Variants in NID1 observed in about 807,000 individuals in gnomAD.
NID1 encodes nidogen 1, also known as nidogen-1.
In NID1, 76 loss-of-function variants were observed where a neutral mutation model predicts 130.6. The observed-to-expected ratio is 0.58, with a 90% confidence interval of 0.48 to 0.70. The LOEUF (loss-of-function observed/expected upper bound fraction) is 0.70, where lower values mean the gene tolerates loss of function less well. Ranked by LOEUF, NID1 falls within the 30% of genes least tolerant of loss-of-function variation. The pLI, the probability that NID1 is intolerant of heterozygous loss-of-function variation, is 0.00. For synonymous variants in NID1, 665 were observed against 675.1 expected (o/e 0.98, Z 0.23); for missense variants, 1,517 against 1,664.8 (o/e 0.91, Z 1.54).
chr1:236,039,542 C>T (rs1448876396), intron 4 of NID1, among the ~76,000 whole-genome samples: 2 of 152,124 alleles, frequency 1.3e-5, no homozygotes, highest in South Asian at 2.1e-4. Context: ...GAACATCTCC[C>T]TATTTTAAAT....
chr1:235,993,681 C>T lies in NID1; in HGVS notation c.2719G>A (p.Glu907Lys). ...WCVDRDGREV[E>K]GTRTRPGMTP... ...ATCCCGGGCCTGGTCCTGGTGCCCT[C>T]CACCTCGCGGCCGTCGCGATCCACG... The change falls in exon 13 of 20, where the codon GAG (glutamate) becomes AAG (lysine). Residue 907 changes from glutamate to lysine, a missense_variant. Around this residue, in one of 3 missense-constraint regions of NID1, gnomAD observed 1,329 missense variants for 1,429.2 expected, o/e 0.93. Transcript: ENST00000264187. 3 of 1,581,664 alleles carry T rather than the reference C, an allele frequency of 1.9e-6. No homozygotes were observed. Among genetic ancestry groups the T allele is most frequent in the Non-Finnish European group, 2.6e-6 (3 of 1,160,056 alleles).
At position 235,979,445 on chromosome 1, in the gene NID1, C is replaced by T. The variant is rs1657366075; in HGVS notation, c.3510-338G>A. Among the ~76,000 whole-genome samples the T allele has an allele frequency of 1.3e-5, 2 of 152,178 alleles. No homozygotes were observed. Among genetic ancestry groups the T allele is most frequent in the Admixed American group, 1.3e-4 (2 of 15,274 alleles). On this transcript the variant is annotated intron_variant, in intron 18 of 19. Transcript: ENST00000264187. The surrounding 1 kb of genome is among the most constrained non-coding windows in gnomAD (Gnocchi z 4.6). ...TCAGGAAGAGGCCGTGGGAATATTG[C>T]AGTTTAACAACTATAATGAAGCAGG...
In NID1 at chr1:235,979,679, A is replaced by G. The variant is rs1657373941; in HGVS notation, c.3509+143T>C. On this transcript the variant is annotated intron_variant, in intron 18 of 19. Coordinates refer to ENST00000264187, the MANE Select transcript of NID1 (RefSeq NM_002508.3). This position sits in a 1 kb window ranked among gnomAD's most constrained non-coding sequence, Gnocchi z 4.6. ...CTTGGCTCCTGACAACCAGAAGGATAAGGGAGAGGGGACATCTCTAGAGGG... is the reference window on the plus strand; with the variant it reads ...CTTGGCTCCTGACAACCAGAAGGATGAGGGAGAGGGGACATCTCTAGAGGG... 1.2e-6 allele frequency: 1 copy of G among 807,902 alleles called. No individual in the cohort carries two copies. Among genetic ancestry groups the G allele is most frequent in the Non-Finnish European group, 1.9e-6 (1 of 514,302 alleles). The allele number at this position is 807,902 out of a possible 1,614,324, so 50.0% of individuals were successfully genotyped here.
chr1:236,013,665 C>G, intron 10 of NID1, 105 bp from the exon 11 acceptor site: 1 of 1,310,592 alleles, frequency 7.6e-7, no homozygotes, highest in Non-Finnish European at 1.1e-6. Context: ...GACCCTAGAC[C>G]TCTAGGCATG....
chr1:236,050,042 A>G (rs1398448229), intron 1 of NID1, among the ~76,000 whole-genome samples: 4,532 of 134,268 alleles, frequency 0.034, 180 homozygotes, highest in African/African-American at 0.13. Context: ...TCTCAGGGGA[A>G]AAAAAAAAAA....
intron 4 of NID1, 25 bp from the exon 5 acceptor site, chr1:236,038,278 C>A: frequency 6.2e-7 from 1 of 1,600,374 alleles, no homozygotes; most frequent in Non-Finnish European, 8.6e-7. Context: ...CAATTGCACA[C>A]CTGTAAGCAT....
intron 5 of NID1, among the ~76,000 whole-genome samples, chr1:236,035,785 C>T (rs1400500253): frequency 6.6e-6 from 1 of 152,190 alleles, no homozygotes; most frequent in Admixed American, 6.5e-5. Flanking sequence ...CCAACAGAGT[C>T]ATTCTGCACA....
intron 14 of NID1, among the ~76,000 whole-genome samples, chr1:235,989,232 T>A (rs1281312699): frequency 1.3e-5 from 2 of 152,120 alleles, no homozygotes; most frequent in Non-Finnish European, 2.9e-5. Context: ...AATTTTTGTA[T>A]TTTTAGTAGA....
chr1:236,042,763 A>G (rs1659491275), intron 3 of NID1, among the ~76,000 whole-genome samples: 1 of 151,338 alleles, frequency 6.6e-6, no homozygotes, highest in Admixed American at 6.6e-5. Flanking sequence ...GAGCTCCTAC[A>G]GCCTTTGGAA....
At chr1:236,007,735 C>G (rs920537123) in intron 12 of NID1, among the ~76,000 whole-genome samples, 1 of 152,102 alleles carries the variant, frequency 6.6e-6, no homozygotes. Flanking sequence ...TCTTTGCCAT[C>G]ACAGAAGACC....
chr1:236,043,889 G>A (rs1452914075), intron 3 of NID1, among the ~76,000 whole-genome samples: 1 of 152,122 alleles, frequency 6.6e-6, no homozygotes, highest in Non-Finnish European at 1.5e-5. Flanking sequence ...GTGCTTAAAG[G>A]ATATGGTGAA....
At position 235,979,061 on chromosome 1, in the gene NID1, C is replaced by G; in HGVS notation, c.3556G>C (p.Ala1186Pro). ...LDLAISKETD[A>P]FQPHKQTRLY... ...CGGGTCTGCTTGTGGGGTTGGAAAG[C>G]ATCCGTCTCCTTGGAAATTGCAAGA... Residue 1186 changes from alanine (A) to proline (P), a missense_variant, in exon 19 of 20, where the codon GCT becomes CCT. By Grantham distance (27) the Ala-to-Pro change is conservative. Coordinates refer to ENST00000264187, the MANE Select transcript of NID1 (RefSeq NM_002508.3). This position sits in a 1 kb window ranked among gnomAD's most constrained non-coding sequence, Gnocchi z 4.6. 1.2e-6 allele frequency: 2 copies of G among 1,614,120 alleles called. No homozygotes were observed. The highest frequency in any genetic ancestry group is 1.7e-6 in the Non-Finnish European group (2 of 1,180,004).
At chr1:236,058,007 A>G (rs1343349179) in intron 1 of NID1, among the ~76,000 whole-genome samples, 1 of 152,188 alleles carries the variant, frequency 6.6e-6, no homozygotes, top group Non-Finnish European at 1.5e-5. Flanking sequence ...TATTGATCAT[A>G]TCGCAAAACC....
At position 236,026,119 on chromosome 1, in the gene NID1, C is replaced by T. The variant is rs776823802; in HGVS notation, c.1761G>A (p.Arg587=). 5.6e-6 allele frequency: 9 copies of T among 1,613,632 alleles called. No homozygotes were observed. In the African/African-American group the frequency reaches 1.1e-4, roughly 19 times the overall value. ...STSVITSSST[R]EYTVTEPERD... Reference sequence around the variant, plus strand: ...GCTCGGGCTCAGTCACCGTGTACTCCCGGGTGGAGGAGGAAGTGATCACTG... The same window carrying T: ...GCTCGGGCTCAGTCACCGTGTACTCTCGGGTGGAGGAGGAAGTGATCACTG... The change falls in exon 8 of 20, where the codon CGG becomes CGA. Residue 587 remains arginine, a synonymous_variant. Coordinates refer to ENST00000264187, the MANE Select transcript of NID1 (RefSeq NM_002508.3).
chr1:236,021,719 G>A (rs537000079), intron 9 of NID1, among the ~76,000 whole-genome samples: 1 of 152,244 alleles, frequency 6.6e-6, no homozygotes, highest in Admixed American at 6.5e-5. Context: ...CTTACTTCTA[G>A]CATTCCTTAT....
intron 19 of NID1, 76 bp downstream of exon 19, chr1:235,978,919 G>T: frequency 1.0e-6 from 1 of 965,008 alleles, no homozygotes; most frequent in East Asian, 2.4e-5. Context: ...GTGGCCATAC[G>T]GGTAGCAGCC....
intron 4 of NID1, among the ~76,000 whole-genome samples, chr1:236,039,455 C>CTTA (rs1206036381): frequency 6.6e-6 from 1 of 151,916 alleles, no homozygotes; most frequent in Non-Finnish European, 1.5e-5. Flanking sequence ...TTTGGAAGCA[C>CTTA]TTATACTCAA....
intron 3 of NID1, among the ~76,000 whole-genome samples, chr1:236,044,753 C>G (rs1446167138): frequency 6.6e-6 from 1 of 152,206 alleles, no homozygotes; most frequent in Non-Finnish European, 1.5e-5. Flanking sequence ...CCTCTTTTGT[C>G]AAATTCTACA....
In NID1 at chr1:236,017,132, T is replaced by A. The variant is rs1353126068; in HGVS notation, c.2254+16A>T. 6.2e-7 allele frequency: 1 copy of A among 1,614,028 alleles called. No individual in the cohort carries two copies. The highest frequency in any genetic ancestry group is 2.2e-5 in the East Asian group (1 of 44,870). On this transcript the variant is annotated intron_variant, in intron 10 of 19. Transcript: ENST00000264187. Reference sequence around the variant, plus strand: ...CCATGTGAATACTGTTTCGAAAAGTTACCTGGAGAACTTACCCACACACGT... The same window carrying A: ...CCATGTGAATACTGTTTCGAAAAGTAACCTGGAGAACTTACCCACACACGT...
Sources: gnomAD v4.1 joint callset for allele counts (sites outside exome capture counted in the v4.1 genomes callset) on GRCh38, gnomAD v4.1.1 for gene constraint, gnomAD v4.1.1 regional missense constraint, Gnocchi (gnomAD v3.1) non-coding constraint, MANE v1.5 for transcripts, NCBI Gene and HGNC (gene_info 2026-07-23, HGNC 2026-07-21) for gene names.